Variants in TF observed in about 807,000 individuals in gnomAD.
The protein encoded by TF is serotransferrin.
In TF, 55 loss-of-function variants were observed where a neutral mutation model predicts 82.4. The observed-to-expected ratio is 0.67, with a 90% CI of 0.54 to 0.84. TF has a LOEUF of 0.84. Ranked by LOEUF, TF falls within the 40% of genes least tolerant of loss-of-function variation. TF has a pLI of 0.00. For missense variants in TF, 737 were observed against 868.4 expected (o/e 0.85, Z 1.90); for synonymous variants, 332 against 332.6 (o/e 1.00, Z 0.02).
Position 133,754,498 on chromosome 3 carries a change from C to T in TF, c.329C>T (p.Pro110Leu), listed in dbSNP as rs41298985. Residue 110 changes from proline to leucine, a missense_variant, in exon 4 of 17, where the codon CCA becomes CTA. Transcript: ENST00000402696. Reference protein sequence around the residue: ...VAEFYGSKEDPQTFYYAVAVV... With the variant: ...VAEFYGSKEDLQTFYYAVAVV... ...CATTCACACTGTGCCTTTGCAGATC[C>T]ACAGACTTTCTATTATGCTGTTGCT... 56 of 1,614,138 alleles carry T rather than the reference C, an allele frequency of 3.5e-5. No homozygotes were observed. In the African/African-American group the frequency reaches 5.7e-4, roughly 17 times the overall value.
chr3:133,686,910 G>T, the TF span, among the ~76,000 whole-genome samples: 1 of 152,148 alleles, frequency 6.6e-6, no homozygotes, highest in African/African-American at 2.4e-5. Context: ...GTTTATTGTG[G>T]CACTATTCAC....
chr3:133,768,924 C>G (rs1003611159), intron 13 of TF, among the ~76,000 whole-genome samples: 1 of 151,430 alleles, frequency 6.6e-6, no homozygotes, highest in African/African-American at 2.4e-5. Context: ...TCCCTAGTAG[C>G]TGGGATTACA....
the TF span, among the ~76,000 whole-genome samples, chr3:133,716,624 C>T: frequency 5.9e-5 from 9 of 152,184 alleles, no homozygotes; most frequent in African/African-American, 2.2e-4. Context: ...CTTGACAGGT[C>T]TCCATGCATC....
At chr3:133,736,432 A>G in the TF span, among the ~76,000 whole-genome samples, 1 of 152,182 alleles carries the variant, frequency 6.6e-6, no homozygotes, top group African/African-American at 2.4e-5. Context: ...TCATAATGAC[A>G]GGATCAAATT....
intron 9 of TF, chr3:133,761,893 C>A: frequency 6.2e-6 from 1 of 161,444 alleles, no homozygotes. Flanking sequence ...GTGAGAGTCC[C>A]ATTAGTTTGC....
the TF span, among the ~76,000 whole-genome samples, chr3:133,689,760 C>T: frequency 1.3e-4 from 20 of 152,088 alleles, no homozygotes; most frequent in South Asian, 4.2e-4. Context: ...TAATTATCTA[C>T]GTGATATGAT....
rs980206131 is a variant in TF, at chr3:133,787,172, G to C, written c.*8552G>C. 1 of 152,046 alleles carries C rather than the reference G, an allele frequency of 6.6e-6. No homozygotes were observed. Among genetic ancestry groups the C allele is most frequent in the Non-Finnish European group, 1.5e-5 (1 of 67,990 alleles). 9.4% of individuals were successfully genotyped at this position (152,046 alleles called of 1,614,324 possible). On this transcript the variant is annotated 3_prime_UTR_variant, in exon 17 of 17. Transcript: ENST00000402696. Reference sequence around the variant, plus strand: ...AATGAGTCCTAATTTTGCAACATTTGGTCTCTAGATGTTTAAGAAGTTGCC... The same window carrying C: ...AATGAGTCCTAATTTTGCAACATTTCGTCTCTAGATGTTTAAGAAGTTGCC...
chr3:133,740,155 A>G, the TF span, among the ~76,000 whole-genome samples: 1 of 152,214 alleles, frequency 6.6e-6, no homozygotes, highest in Non-Finnish European at 1.5e-5. Context: ...ATGCAGCCAT[A>G]AAAAAGGATG....
intron 14 of TF, among the ~76,000 whole-genome samples, chr3:133,771,286 C>T (rs1034805527): frequency 3.3e-5 from 5 of 152,070 alleles, no homozygotes; most frequent in Admixed American, 1.3e-4. Context: ...ATAATGATAG[C>T]AGTAAGGGAT....
chr3:133,747,134 C>CT (rs1933524358), intron 1 of TF: 1 of 154,378 alleles, frequency 6.5e-6, no homozygotes, highest in Non-Finnish European at 1.4e-5. Flanking sequence ...CCTTCATACT[C>CT]TAACTTCTGC....
chr3:133,718,294 G>A, the TF span, among the ~76,000 whole-genome samples: 1 of 152,154 alleles, frequency 6.6e-6, no homozygotes, highest in African/African-American at 2.4e-5. Context: ...AAAGAGTATA[G>A]CTGTAGCATA....
At chr3:133,710,130 A>G in the TF span, 2 of 152,702 alleles carry the variant, frequency 1.3e-5, no homozygotes, top group Non-Finnish European at 2.9e-5. Context: ...CTTAGCTTCC[A>G]AGATCAGACA....
chr3:133,695,384 A>G, the TF span, among the ~76,000 whole-genome samples: 18 of 151,074 alleles, frequency 1.2e-4, no homozygotes, highest in African/African-American at 4.1e-4. Context: ...AGTAGCTGGG[A>G]CTACAGGCAC....
At chr3:133,755,665 C>A in intron 5 of TF, 170 bp downstream of exon 5, 1 of 831,468 alleles carries the variant, frequency 1.2e-6, no homozygotes, top group Non-Finnish European at 1.9e-6. Context: ...GCCAAGCCAG[C>A]CCATGTTCCC....
intron 5 of TF, among the ~76,000 whole-genome samples, chr3:133,756,059 T>C (rs1219525003): frequency 1.3e-5 from 2 of 152,234 alleles, no homozygotes; most frequent in Non-Finnish European, 2.9e-5. Flanking sequence ...ATATCTTCAG[T>C]TGCATTTTGC....
the TF span, among the ~76,000 whole-genome samples, chr3:133,732,908 C>T: frequency 6.6e-6 from 1 of 152,184 alleles, no homozygotes; most frequent in Non-Finnish European, 1.5e-5. Context: ...ACCTGAAAGT[C>T]TTGGTGTATA....
chr3:133,728,811 G>C, the TF span, among the ~76,000 whole-genome samples: 1 of 152,140 alleles, frequency 6.6e-6, no homozygotes, highest in Admixed American at 6.5e-5. Flanking sequence ...TTTGATGATG[G>C]TGATGTACAG....
At chr3:133,732,516 C>G in the TF span, among the ~76,000 whole-genome samples, 1 of 152,196 alleles carries the variant, frequency 6.6e-6, no homozygotes, top group African/African-American at 2.4e-5. Context: ...AGCGGCAACC[C>G]ACTCCGGTTC....
chr3:133,739,930 C>T, the TF span, among the ~76,000 whole-genome samples: 1 of 152,284 alleles, frequency 6.6e-6, no homozygotes, highest in South Asian at 2.1e-4. Flanking sequence ...TGTGGCAATT[C>T]CTCAAGGATC....
Sources: gnomAD v4.1 joint callset for allele counts (sites outside exome capture counted in the v4.1 genomes callset) on GRCh38, gnomAD v4.1.1 for gene constraint, MANE v1.5 for transcripts, NCBI Gene and HGNC (gene_info 2026-07-23, HGNC 2026-07-21) for gene names.